The following C3orf49 variants were observed in gnomAD, a reference collection of about 807,000 sequenced individuals.
The protein encoded by C3orf49 is putative uncharacterized protein C3orf49.
In C3orf49, 27 loss-of-function variants were observed where a neutral mutation model predicts 13.3. That is an observed-to-expected ratio of 2.02 (90% CI 1.49 to 2.79). The LOEUF (loss-of-function observed/expected upper bound fraction) is 2.79, where lower values mean the gene tolerates loss of function less well. Among genes scored for constraint, C3orf49 ranks in the 30% most tolerant of loss-of-function variants. The pLI is 0.00. For missense variants in C3orf49, 242 were observed against 134.2 expected (o/e 1.80, Z -3.97); for synonymous variants, 87 against 47.6 (o/e 1.83, Z -3.40).
At chr3:63,800,479 A>C in the C3orf49 span, among the ~76,000 whole-genome samples, 2 of 152,130 alleles carry the variant, frequency 1.3e-5, no homozygotes, top group Admixed American at 6.6e-5. Context: ...CTATAATAAT[A>C]ATAATAATAA....
chr3:63,839,750 G>A (rs1701718704), intron 5 of C3orf49: 1 of 1,613,354 alleles, frequency 6.2e-7, no homozygotes, highest in Non-Finnish European at 8.5e-7. Flanking sequence ...CCATCAATGA[G>A]GAGACGCTTC....
intron 6 of C3orf49, chr3:63,845,963 G>C (rs1047664473): frequency 6.0e-6 from 1 of 167,794 alleles, no homozygotes; most frequent in Non-Finnish European, 1.3e-5. Flanking sequence ...CTCGAACCCC[G>C]AGCCTCCCAA....
chr3:63,811,631 C>A, the C3orf49 span, among the ~76,000 whole-genome samples: 1 of 151,550 alleles, frequency 6.6e-6, no homozygotes, highest in Non-Finnish European at 1.5e-5. Flanking sequence ...CCTATAGTCC[C>A]GACTACTTGG....
the C3orf49 span, among the ~76,000 whole-genome samples, chr3:63,801,645 T>C: frequency 6.6e-6 from 1 of 152,202 alleles, no homozygotes; most frequent in Non-Finnish European, 1.5e-5. Flanking sequence ...CAGTTAAAGC[T>C]GTTAGGACAG....
the C3orf49 span, among the ~76,000 whole-genome samples, chr3:63,781,878 T>C: frequency 6.6e-6 from 1 of 152,200 alleles, no homozygotes; most frequent in Non-Finnish European, 1.5e-5. Context: ...CCCTAGGAAG[T>C]AGGGACCATT....
the C3orf49 span, among the ~76,000 whole-genome samples, chr3:63,793,129 C>G: frequency 6.6e-6 from 1 of 152,074 alleles, no homozygotes; most frequent in Non-Finnish European, 1.5e-5. Context: ...TTTCTGTTCC[C>G]AAAAAGATAG....
At chr3:63,835,372 T>G (rs773259429) in intron 5 of C3orf49, 2 of 1,613,460 alleles carry the variant, frequency 1.2e-6, no homozygotes, top group Non-Finnish European at 8.5e-7. Context: ...CTAATTCTTT[T>G]CCCAGAGCCT....
chr3:63,822,950 T>C (rs1479482317), intron 1 of C3orf49, among the ~76,000 whole-genome samples: 1 of 152,240 alleles, frequency 6.6e-6, no homozygotes, highest in Non-Finnish European at 1.5e-5. Flanking sequence ...CAGCCCTTGG[T>C]CAATTAATTT....
In C3orf49 at chr3:63,819,556, A is replaced by T. The variant is rs1455328889; in HGVS notation, c.85A>T (p.Lys29Ter). 2 of 703,300 alleles carry T rather than the reference A, an allele frequency of 2.8e-6. No individual in the cohort carries two copies. The highest frequency in any genetic ancestry group is 3.5e-5 in the African/African-American group (2 of 57,248). 43.6% of individuals were successfully genotyped at this position (703,300 alleles called of 1,614,324 possible). ...VGQCRRFQQL[K>*]KKNGSFKRKG... ...ACAGTGCCGAAGATTCCAGCAACTC[A>T]AGAAGAAAAATGGCTCATTCAAAAG... is the stretch of plus-strand genomic sequence containing the variant. The change falls in exon 1 of 7, where the codon AAG (lysine) becomes TAG (stop). Residue 29 changes from lysine (K) to a stop codon, truncating the protein, a stop_gained. Transcript: ENST00000295896. LOFTEE classifies it high-confidence loss of function.
chr3:63,807,525 A>C, the C3orf49 span, among the ~76,000 whole-genome samples: 1 of 152,096 alleles, frequency 6.6e-6, no homozygotes, highest in Non-Finnish European at 1.5e-5. Flanking sequence ...AGATGCTTTC[A>C]TGATTCAGGA....
intron 6 of C3orf49, among the ~76,000 whole-genome samples, chr3:63,847,080 G>A (rs533193956): frequency 4.5e-4 from 68 of 152,166 alleles, no homozygotes; most frequent in African/African-American, 5.8e-4. Flanking sequence ...GAAGAATTGC[G>A]TAGGCGAATA....
chr3:63,798,493 T>A, the C3orf49 span, among the ~76,000 whole-genome samples: 1 of 152,218 alleles, frequency 6.6e-6, no homozygotes, highest in East Asian at 1.9e-4. Flanking sequence ...GGGATTAACA[T>A]GGGGATTTAA....
the C3orf49 span, among the ~76,000 whole-genome samples, chr3:63,785,235 C>A: frequency 6.6e-6 from 1 of 151,546 alleles, no homozygotes; most frequent in Non-Finnish European, 1.5e-5. Context: ...CCATGCCCGG[C>A]CATTTTTTTT....
intron 5 of C3orf49, chr3:63,835,067 T>C: frequency 7.6e-7 from 1 of 1,312,564 alleles, no homozygotes; most frequent in African/African-American, 1.5e-5. Context: ...GTATACTGTC[T>C]CTCCAAGATG....
chr3:63,839,511 A>C, intron 5 of C3orf49: 2 of 741,106 alleles, frequency 2.7e-6, no homozygotes, highest in Non-Finnish European at 4.7e-6. Context: ...AGAAAAGGCC[A>C]AGAAAATCTA....
chr3:63,826,145 G>C lies in C3orf49; in HGVS notation c.446-1456G>C, dbSNP rs1034842363. 7.2e-5 allele frequency among the ~76,000 whole-genome samples: 11 copies of C among 152,324 alleles called. No individual in the cohort carries two copies. In the East Asian group the frequency reaches 9.6e-4, roughly 13 times the overall value. On this transcript the variant is annotated intron_variant, in intron 2 of 6. Transcript: ENST00000295896. ...TAGGTAGTAAGGGTGTCTGTCATAG[G>C]ACACATTGAGAATTTTTAACTTTCT...
chr3:63,796,505 C>G, the C3orf49 span, among the ~76,000 whole-genome samples: 8 of 152,160 alleles, frequency 5.3e-5, no homozygotes, highest in African/African-American at 1.9e-4. Context: ...AAATCACTAT[C>G]TTTGTGGTGC....
At position 63,830,790 on chromosome 3, in the gene C3orf49, G is replaced by A. The variant is rs148647436; in HGVS notation, c.571-320G>A. Among the ~76,000 whole-genome samples, 302 of 152,226 alleles carry A rather than the reference G, an allele frequency of 2.0e-3. 2 individuals carry two copies. The highest frequency in any genetic ancestry group is 6.9e-3 in the African/African-American group (288 of 41,530). On this transcript the variant is annotated intron_variant, in intron 3 of 6. Transcript: ENST00000295896. ...TCCACAACGGCCCCACACTCTTACT[G>A]TGCTCAGCAGCTGCAGAGGCAATTT...
chr3:63,798,837 A>G, the C3orf49 span, among the ~76,000 whole-genome samples: 1 of 152,202 alleles, frequency 6.6e-6, no homozygotes, highest in Non-Finnish European at 1.5e-5. Flanking sequence ...AATATGGCCC[A>G]GGAACAAATT....
Sources: gnomAD v4.1 joint callset for allele counts (sites outside exome capture counted in the v4.1 genomes callset) on GRCh38, gnomAD v4.1.1 for gene constraint, MANE v1.5 for transcripts, NCBI Gene and HGNC (gene_info 2026-07-23, HGNC 2026-07-21) for gene names.